Variants in UHRF2 observed in about 807,000 individuals in gnomAD.
UHRF2 encodes the protein E3 ubiquitin-protein ligase UHRF2.
Under a neutral mutation model 96.8 loss-of-function variants are expected in UHRF2, and 23 were observed. The observed-to-expected ratio is 0.24, with a 90% CI of 0.17 to 0.34. The LOEUF (loss-of-function observed/expected upper bound fraction) is 0.34, where lower values mean the gene tolerates loss of function less well. UHRF2 is among the 10% of genes least tolerant of loss of function. UHRF2 has a pLI of 1.00. For missense variants in UHRF2, 685 were observed against 981.5 expected (o/e 0.70, Z 4.04); for synonymous variants, 385 against 332.6 (o/e 1.16, Z -1.72).
Position 6,475,381 on chromosome 9 carries a change from T to C in UHRF2, c.864-10T>C. On this transcript the variant is annotated splice_polypyrimidine_tract_variant and intron_variant, in intron 4 of 15. Transcript: ENST00000276893. The stretch of plus-strand genomic sequence containing the variant: ...TGGCAGAAGTTAACCTTTCTTCCTT[T>C]TTTAAACAGGGGTTCTGAAGGAACA... 6.7e-7 allele frequency: 1 copy of C among 1,502,902 alleles called. No individual in the cohort carries two copies. Among genetic ancestry groups the C allele is most frequent in the Non-Finnish European group, 8.9e-7 (1 of 1,123,808 alleles). 93.1% of individuals were successfully genotyped at this position (1,502,902 alleles called of 1,614,324 possible).
At chr9:6,464,181 T>A (rs1461053665) in intron 4 of UHRF2, among the ~76,000 whole-genome samples, 1 of 152,224 alleles carries the variant, frequency 6.6e-6, no homozygotes, top group South Asian at 2.1e-4. Flanking sequence ...TGCAATTCTC[T>A]GACTCCTAGT....
chr9:6,425,758 T>C (rs1820220624), intron 2 of UHRF2, among the ~76,000 whole-genome samples: 1 of 100,938 alleles, frequency 9.9e-6, no homozygotes, highest in Admixed American at 1.2e-4. Flanking sequence ...AGACTTCGTC[T>C]CAAAGTAAAT....
intron 2 of UHRF2, among the ~76,000 whole-genome samples, chr9:6,430,284 A>G (rs1396429570): frequency 1.3e-5 from 2 of 152,202 alleles, no homozygotes; most frequent in African/African-American, 4.8e-5. Flanking sequence ...TGCTGGGATT[A>G]CAGGCGTGAG....
chr9:6,486,789 G>A (rs569424403), intron 8 of UHRF2, 32 bp from the exon 9 acceptor site: 2 of 1,599,856 alleles, frequency 1.3e-6, no homozygotes, highest in South Asian at 1.1e-5. Context: ...CTGTTCAGAG[G>A]TATTTTGAGA....
chr9:6,497,799 C>T (rs1019680544), intron 11 of UHRF2, among the ~76,000 whole-genome samples: 1 of 152,144 alleles, frequency 6.6e-6, no homozygotes, highest in African/African-American at 2.4e-5. Context: ...AATCTTGTTA[C>T]TCTATTAAAT....
At chr9:6,479,237 A>C (rs1240751140) in intron 6 of UHRF2, among the ~76,000 whole-genome samples, 5 of 152,296 alleles carry the variant, frequency 3.3e-5, no homozygotes, top group Non-Finnish European at 7.3e-5. Flanking sequence ...TCAGCACTCC[A>C]GTCTAGCTTT....
At chr9:6,426,437 C>A (rs1358496435) in intron 2 of UHRF2, among the ~76,000 whole-genome samples, 1 of 152,158 alleles carries the variant, frequency 6.6e-6, no homozygotes, top group Non-Finnish European at 1.5e-5. Context: ...TAATAAAATT[C>A]TCAGAAGGTT....
At chr9:6,437,030 A>G (rs1256758695) in intron 3 of UHRF2, among the ~76,000 whole-genome samples, 2 of 152,240 alleles carry the variant, frequency 1.3e-5, no homozygotes. Flanking sequence ...GCTCCTGGAT[A>G]AAAGAATCAT....
At position 6,434,995 on chromosome 9, in the gene UHRF2, G is replaced by T. The variant is rs1184571760; in HGVS notation, c.644+822G>T. ...ATAGGCATATGTATTACCATGTTTG[G>T]CTAGTTTTTTTTTTTTTTAATTTTA... On this transcript the variant is annotated intron_variant, in intron 3 of 15. Coordinates refer to ENST00000276893, the MANE Select transcript of UHRF2 (RefSeq NM_152896.3). 9.0e-5 allele frequency among the ~76,000 whole-genome samples: 6 copies of T among 66,494 alleles called. No homozygotes were observed. In the East Asian group the frequency reaches 3.1e-3, roughly 34 times the overall value. 43.6% of individuals were successfully genotyped at this position (66,494 alleles called of 152,430 possible).
Position 6,493,906 on chromosome 9 carries a change from T to C in UHRF2, c.1578T>C (p.Ala526=), listed in dbSNP as rs149752305. The change falls in exon 10 of 16, where the codon GCT becomes GCC. Residue 526 remains alanine, a synonymous_variant. Coordinates refer to ENST00000276893, the MANE Select transcript of UHRF2 (RefSeq NM_152896.3). The part of the protein sequence containing the change: ...AGNKRIGAPS[A]DQTLTNMNRA... ...ACAAAAGAATTGGTGCACCTTCAGC[T>C]GATCAAACATTAACAAACATGAACA... is the stretch of plus-strand genomic sequence containing the variant. The C allele has an allele frequency of 3.8e-5, 61 of 1,613,948 alleles. No homozygotes were observed. In the Middle Eastern group the frequency reaches 1.5e-3, roughly 39 times the overall value.
At position 6,439,333 on chromosome 9, in the gene UHRF2, G is replaced by T. The variant is rs894378867; in HGVS notation, c.644+5160G>T. Among the ~76,000 whole-genome samples, 4 of 152,214 alleles carry T rather than the reference G, an allele frequency of 2.6e-5. No individual in the cohort carries two copies. In the South Asian group the frequency reaches 6.2e-4, roughly 24 times the overall value. On this transcript the variant is annotated intron_variant, in intron 3 of 15. Coordinates refer to ENST00000276893, the MANE Select transcript of UHRF2 (RefSeq NM_152896.3). ...CTGAGACACAGATGTGCACCACCACGCCCGGCTAATTTTTGTGTTTAGTAG... is the reference window on the plus strand; with the variant it reads ...CTGAGACACAGATGTGCACCACCACTCCCGGCTAATTTTTGTGTTTAGTAG...
At chr9:6,496,003 A>AAAAAAGGT in intron 10 of UHRF2, 1 of 152,298 alleles carries the variant, frequency 6.6e-6, no homozygotes. Flanking sequence ...TAGATTAAAA[A>AAAAAAGGT]AAAAAGGTAA....
intron 3 of UHRF2, among the ~76,000 whole-genome samples, chr9:6,451,910 A>C (rs1821894131): frequency 6.6e-6 from 1 of 151,690 alleles, no homozygotes; most frequent in African/African-American, 2.4e-5. Flanking sequence ...TCAGCCTCCC[A>C]CCTAGTTTTT....
At chr9:6,502,481 G>A (rs1482894267) in intron 14 of UHRF2, among the ~76,000 whole-genome samples, 1 of 152,148 alleles carries the variant, frequency 6.6e-6, no homozygotes, top group Non-Finnish European at 1.5e-5. Context: ...AAACAGATGG[G>A]GTTACTATGT....
At position 6,425,029 on chromosome 9, in the gene UHRF2, G is replaced by C. The variant is rs1820165542; in HGVS notation, c.384+3887G>C. 3.9e-5 allele frequency among the ~76,000 whole-genome samples: 6 copies of C among 152,066 alleles called. No individual in the cohort carries two copies. The South Asian group carries it at 1.2e-3, about 32-fold the overall frequency. ...TGTGAACCTTAATCATCTGGCTGGG[G>C]TAGTGTTTGTCAAGTTTCTCCACTA... On this transcript the variant is annotated intron_variant, in intron 2 of 15. Transcript: ENST00000276893.
chr9:6,414,538 C>A lies in UHRF2; in HGVS notation c.153+895C>A, dbSNP rs574338958. Among the ~76,000 whole-genome samples, 37 of 152,274 alleles carry A rather than the reference C, an allele frequency of 2.4e-4. 3 individuals carry two copies. The South Asian group carries it at 4.1e-3, about 17-fold the overall frequency. On this transcript the variant is annotated intron_variant, in intron 1 of 15. Coordinates refer to ENST00000276893, the MANE Select transcript of UHRF2 (RefSeq NM_152896.3). Reference sequence around the variant, plus strand: ...TTTTTCCTATTCCACAAGTCTCTTACAATCTATATCCCTAGCCACTCAGAC... The same window carrying A: ...TTTTTCCTATTCCACAAGTCTCTTAAAATCTATATCCCTAGCCACTCAGAC...
chr9:6,476,720 G>C (rs1179446285), intron 5 of UHRF2, among the ~76,000 whole-genome samples: 1 of 152,020 alleles, frequency 6.6e-6, no homozygotes, highest in East Asian at 1.9e-4. Context: ...TTAGCCTCTC[G>C]AGTAGCTTGG....
rs371787195 is a variant in UHRF2 at position 6,443,301 on chromosome 9, T to C, written c.644+9128T>C. Among the ~76,000 whole-genome samples the C allele has an allele frequency of 1.4e-4, 21 of 152,352 alleles. No individual in the cohort carries two copies. The East Asian group carries it at 3.5e-3, about 25-fold the overall frequency. On this transcript the variant is annotated intron_variant, in intron 3 of 15. Coordinates refer to ENST00000276893, the MANE Select transcript of UHRF2 (RefSeq NM_152896.3). ...TGTGCCAAGCAGTATACAGATACTT[T>C]ACCTGGATTATCTCATGTAATCTTC...
rs749607636 is a variant in UHRF2, at chr9:6,500,544, A to C, written c.2006-8A>C. ...AAGTCTGCTGATACATTTTTAAAAT[A>C]AATCTAGATGACTGTCCAAGTGCCT... On this transcript the variant is annotated splice_region_variant and splice_polypyrimidine_tract_variant and intron_variant, in intron 13 of 15. Coordinates refer to ENST00000276893, the MANE Select transcript of UHRF2 (RefSeq NM_152896.3). 5 of 1,600,758 alleles carry C rather than the reference A, an allele frequency of 3.1e-6. No homozygotes were observed. The highest frequency in any genetic ancestry group is 4.3e-6 in the Non-Finnish European group (5 of 1,175,974).
Sources: allele counts gnomAD v4.1 joint callset (sites outside exome capture counted in the v4.1 genomes callset), GRCh38; gene constraint gnomAD v4.1.1; transcripts MANE v1.5; gene names NCBI Gene and HGNC (gene_info 2026-07-23, HGNC 2026-07-21).